The following CGNL1 variants were observed in gnomAD, a reference collection of about 807,000 sequenced individuals.
CGNL1 encodes cingulin-like protein 1.
In CGNL1, 132 loss-of-function variants were observed where a neutral mutation model predicts 141.2. The ratio of observed to expected loss-of-function variants is 0.93; its 90% CI spans 0.81 to 1.08. The LOEUF is 1.08. CGNL1 is among the 50% of genes least tolerant of loss of function. The pLI, the probability that CGNL1 is intolerant of heterozygous loss-of-function variation, is 0.00. For synonymous variants in CGNL1, 690 were observed against 622.1 expected, an observed-to-expected ratio of 1.11 and a Z score of -1.63; for missense variants, 1,870 against 1,588.6, an observed-to-expected ratio of 1.18 and a Z score of -3.01.
rs1312193476 is a variant in CGNL1 at position 57,453,819 on chromosome 15, G to T, written c.2190+1G>T. The T allele has an allele frequency of 6.2e-7, 1 of 1,613,206 alleles. No individual in the cohort carries two copies. The highest frequency in any genetic ancestry group is 8.5e-7 in the Non-Finnish European group (1 of 1,179,848). On this transcript the variant is annotated splice_donor_variant, in intron 7 of 18. Coordinates refer to ENST00000281282, the MANE Select transcript of CGNL1 (RefSeq NM_032866.5). LOFTEE classifies it high-confidence loss of function. ...CAGGGAGAAGGGAGCTCTGATTGAG[G>T]TAAGCAGGGCTGTGGGGTCAGGTGA...
At chr15:57,470,256 C>CTCTTTTTTTTT (rs758575367) in intron 8 of CGNL1, among the ~76,000 whole-genome samples, 17 of 113,958 alleles carry the variant, frequency 1.5e-4, no homozygotes, top group African/African-American at 5.9e-4. Context: ...TTTTGTCTCT[C>CTCTTTTTTTTT]TTTTTTTTTT....
intron 1 of CGNL1, among the ~76,000 whole-genome samples, chr15:57,387,038 T>G (rs1234564581): frequency 6.6e-6 from 1 of 152,134 alleles, no homozygotes; most frequent in Admixed American, 6.6e-5. Flanking sequence ...CAAAACTTTT[T>G]CATCCCCCTG....
chr15:57,394,756 G>C (rs1254130628), intron 1 of CGNL1, among the ~76,000 whole-genome samples: 1 of 152,142 alleles, frequency 6.6e-6, no homozygotes, highest in Non-Finnish European at 1.5e-5. Flanking sequence ...GATCTTATAT[G>C]ATCTGAGCCC....
rs540761926 is a variant in CGNL1, at chr15:57,441,346, A to T, written c.1697+875A>T. On this transcript the variant is annotated intron_variant, in intron 3 of 18. Transcript: ENST00000281282. ...ACCATGTTAAGATTAAGGTAGAAGA[A>T]ATCTTGACTTTTAAAATTCATTATT... 1.9e-3 allele frequency among the ~76,000 whole-genome samples: 282 copies of T among 152,228 alleles called. 1 individual carries two copies. The highest frequency in any genetic ancestry group is 6.7e-3 in the African/African-American group (277 of 41,540).
chr15:57,447,113 G>C (rs957150740), intron 4 of CGNL1, among the ~76,000 whole-genome samples: 1 of 151,978 alleles, frequency 6.6e-6, no homozygotes, highest in African/African-American at 2.4e-5. Flanking sequence ...TGGAACTGAC[G>C]TCTTAATATT....
chr15:57,544,492 G>A lies in CGNL1; in HGVS notation c.3395G>A (p.Arg1132Gln), dbSNP rs149850139. 3.6e-4 allele frequency: 585 copies of A among 1,613,968 alleles called. No individual in the cohort carries two copies. Among genetic ancestry groups the A allele is most frequent in the Non-Finnish European group, 3.7e-4 (439 of 1,179,958 alleles). Residue 1132 changes from arginine to glutamine, a missense_variant, in exon 16 of 19, where the codon CGG becomes CAG. Coordinates refer to ENST00000281282, the MANE Select transcript of CGNL1 (RefSeq NM_032866.5). The part of the protein sequence containing the change: ...LERQNKDLKS[R>Q]IIHLEGSYRS... ...TTCCAGAACAAGGACTTAAAGAGCCGGATTATCCACCTGGAAGGTTCCTAC... is the reference window on the plus strand; with the variant it reads ...TTCCAGAACAAGGACTTAAAGAGCCAGATTATCCACCTGGAAGGTTCCTAC...
At chr15:57,383,211 G>A (rs141699020) in intron 1 of CGNL1, among the ~76,000 whole-genome samples, 4 of 152,182 alleles carry the variant, frequency 2.6e-5, no homozygotes, top group African/African-American at 4.8e-5. Flanking sequence ...AAAGAATGGA[G>A]TGAGAGATAA....
rs190722934 is a variant in CGNL1 at position 57,510,788 on chromosome 15, A to C, written c.2404-5992A>C. Among the ~76,000 whole-genome samples, 352 of 152,300 alleles carry C rather than the reference A, an allele frequency of 2.3e-3. 3 individuals carry two copies. The highest frequency in any genetic ancestry group is 7.9e-3 in the African/African-American group (329 of 41,566). On this transcript the variant is annotated intron_variant, in intron 8 of 18. Transcript: ENST00000281282. ...GTTGGGGAAGCACTCGTGTAGTTGC[A>C]AGTCCTGGGCCATCTGGGCCTTTTC...
At chr15:57,529,823 A>G (rs925591862) in intron 13 of CGNL1, among the ~76,000 whole-genome samples, 22 of 152,350 alleles carry the variant, frequency 1.4e-4, no homozygotes, top group South Asian at 8.3e-4. Context: ...CAAAACGTCC[A>G]GGGGACTTAG....
intron 14 of CGNL1, among the ~76,000 whole-genome samples, chr15:57,540,773 G>T (rs1186243457): frequency 1.3e-5 from 2 of 152,206 alleles, no homozygotes; most frequent in East Asian, 3.9e-4. Flanking sequence ...TGGAGAGCGG[G>T]CACTTTCTGG....
At chr15:57,520,995 A>G (rs1045815060) in intron 10 of CGNL1, among the ~76,000 whole-genome samples, 1 of 152,098 alleles carries the variant, frequency 6.6e-6, no homozygotes, top group African/African-American at 2.4e-5. Context: ...CTCACCCTAC[A>G]TCTACCCGTG....
chr15:57,511,779 T>G (rs1264670545), intron 8 of CGNL1, among the ~76,000 whole-genome samples: 1 of 152,220 alleles, frequency 6.6e-6, no homozygotes, highest in African/African-American at 2.4e-5. Flanking sequence ...TTCAACTTTT[T>G]GGAGTGGCAG....
chr15:57,398,078 G>A (rs553635777), intron 1 of CGNL1, among the ~76,000 whole-genome samples: 24 of 152,222 alleles, frequency 1.6e-4, no homozygotes, highest in African/African-American at 5.1e-4. Context: ...ACCATACCCA[G>A]CACCATTTAA....
intron 8 of CGNL1, among the ~76,000 whole-genome samples, chr15:57,490,518 G>A (rs1187525036): frequency 1.3e-5 from 2 of 152,018 alleles, no homozygotes; most frequent in Non-Finnish European, 2.9e-5. Flanking sequence ...AGGTAGTATT[G>A]GATTATGACC....
chr15:57,545,826 C>A, intron 17 of CGNL1, 126 bp downstream of exon 17: 1 of 798,072 alleles, frequency 1.3e-6, no homozygotes, highest in Non-Finnish European at 2.0e-6. Context: ...CCTTTCCACG[C>A]ACCCAGTCAC....
intron 1 of CGNL1, among the ~76,000 whole-genome samples, chr15:57,380,197 C>A (rs1164699376): frequency 6.6e-6 from 1 of 152,130 alleles, no homozygotes; most frequent in East Asian, 1.9e-4. Context: ...CCATACCCCG[C>A]TTATTTTTGT....
intron 1 of CGNL1, among the ~76,000 whole-genome samples, chr15:57,426,583 A>G (rs1303531374): frequency 6.7e-6 from 1 of 148,826 alleles, no homozygotes; most frequent in Non-Finnish European, 1.5e-5. Context: ...AATAGCTGAG[A>G]CTACAGGCAT....
intron 12 of CGNL1, 72 bp from the exon 13 acceptor site, chr15:57,528,581 TG>T: frequency 6.6e-7 from 1 of 1,508,686 alleles, no homozygotes; most frequent in African/African-American, 1.4e-5. Context: ...GGGGTCAGCC[TG>T]TGCACTGTCT....
chr15:57,470,256 C>CTCTTTTTTTT (rs758575367), intron 8 of CGNL1, among the ~76,000 whole-genome samples: 28 of 113,952 alleles, frequency 2.5e-4, no homozygotes, highest in African/African-American at 7.6e-4. Context: ...TTTTGTCTCT[C>CTCTTTTTTTT]TTTTTTTTTT....
Sources: allele counts gnomAD v4.1 joint callset (sites outside exome capture counted in the v4.1 genomes callset), GRCh38; gene constraint gnomAD v4.1.1; transcripts MANE v1.5; gene names NCBI Gene and HGNC (gene_info 2026-07-23, HGNC 2026-07-21).